The following RPS6KA3 variants were observed in gnomAD, a reference collection of about 807,000 sequenced individuals.
RPS6KA3 encodes ribosomal protein S6 kinase alpha-3.
A neutral mutation model predicts 67.2 loss-of-function variants in RPS6KA3; 4 were observed. That is an observed-to-expected ratio of 0.06 (90% CI 0.03 to 0.14). The LOEUF is 0.14. Ranked by LOEUF, RPS6KA3 falls within the 10% of genes least tolerant of loss-of-function variation. The pLI is 1.00. For missense variants in RPS6KA3, 204 were observed against 559.0 expected, an observed-to-expected ratio of 0.36 and a Z score of 6.40; for synonymous variants, 182 against 183.7, an observed-to-expected ratio of 0.99 and a Z score of 0.07.
chrX:20,258,959 G>A (rs148975573), intron 1 of RPS6KA3, among the ~76,000 whole-genome samples: 2,170 of 111,568 alleles, frequency 0.019, 47 homozygotes, highest in African/African-American at 0.059. Flanking sequence ...CTTTCTAGCT[G>A]ACATCTTCAA....
intron 7 of RPS6KA3, among the ~76,000 whole-genome samples, chrX:20,190,883 T>TA (rs1298001505): frequency 9.1e-6 from 1 of 110,447 alleles, no homozygotes; most frequent in Admixed American, 9.7e-5. Flanking sequence ...TTTTTTTTTT[T>TA]ATTATGCTTT....
At chrX:20,231,684 T>C (rs1171850468) in intron 2 of RPS6KA3, among the ~76,000 whole-genome samples, 2 of 111,930 alleles carry the variant, frequency 1.8e-5, no homozygotes, top group Non-Finnish European at 3.8e-5. Flanking sequence ...ACCAGTGTCT[T>C]TGCAGATGTA....
chrX:20,225,788 T>C (rs1455838843), intron 2 of RPS6KA3, among the ~76,000 whole-genome samples: 1 of 111,675 alleles, frequency 9.0e-6, no homozygotes, highest in Non-Finnish European at 1.9e-5. Flanking sequence ...TAAGGCAACT[T>C]TGTGTGAAGT....
In RPS6KA3 at chrX:20,161,627, T is replaced by G. The variant is rs199913852; in HGVS notation, c.1959+17A>C. ...AAGTTATTTTCTCAAAATCTTATAA[T>G]AGGAAGTGATACTTACCTTTGCTGT... On this transcript the variant is annotated intron_variant, in intron 20 of 21. Coordinates refer to ENST00000379565, the MANE Select transcript of RPS6KA3 (RefSeq NM_004586.3). 1.4e-5 allele frequency: 12 copies of G among 872,822 alleles called. No homozygotes were observed. In the East Asian group the frequency reaches 3.4e-4, roughly 25 times the overall value. 71.9% of individuals were successfully genotyped at this position (872,822 alleles called of 1,213,427 possible).
intron 10 of RPS6KA3, among the ~76,000 whole-genome samples, chrX:20,178,636 C>CTTTTTT (rs757383642): frequency 1.4e-3 from 56 of 39,450 alleles, no homozygotes; most frequent in Non-Finnish European, 1.8e-3. Flanking sequence ...CCACACCTGG[C>CTTTTTT]TTTTTTTTTT....
At chrX:20,156,638 T>C (rs781539532) in intron 20 of RPS6KA3, among the ~76,000 whole-genome samples, 7 of 110,785 alleles carry the variant, frequency 6.3e-5, no homozygotes, top group Non-Finnish European at 1.3e-4. Context: ...TGGCCTCAAG[T>C]GATCCTCCCA....
intron 1 of RPS6KA3, among the ~76,000 whole-genome samples, chrX:20,255,007 C>T (rs377725295): frequency 1.8e-5 from 2 of 112,271 alleles, no homozygotes; most frequent in African/African-American, 3.2e-5. Flanking sequence ...AAACTGGAAA[C>T]ATGTGTTCAC....
At chrX:20,225,645 T>C (rs1271789591) in intron 2 of RPS6KA3, among the ~76,000 whole-genome samples, 2 of 111,469 alleles carry the variant, frequency 1.8e-5, no homozygotes, top group Non-Finnish European at 3.8e-5. Flanking sequence ...AGTAATTCAC[T>C]GCCTATTGTC....
intron 9 of RPS6KA3, 34 bp downstream of exon 9, chrX:20,187,794 T>C (rs1482912174): frequency 6.1e-6 from 7 of 1,147,930 alleles, no homozygotes; most frequent in African/African-American, 3.6e-5. Context: ...AACAATCTCC[T>C]TCCCCTCTAA....
At chrX:20,225,905 G>A (rs984087549) in intron 2 of RPS6KA3, among the ~76,000 whole-genome samples, 2 of 112,242 alleles carry the variant, frequency 1.8e-5, no homozygotes, top group African/African-American at 6.5e-5. Context: ...AAGAAGTGGG[G>A]CCGAGTATGG....
chrX:20,153,852 C>G lies in RPS6KA3; in HGVS notation c.*1546G>C, dbSNP rs1256716680. The G allele has an allele frequency of 8.9e-6, 1 of 111,992 alleles. No individual in the cohort carries two copies. Among genetic ancestry groups the G allele is most frequent in the African/African-American group, 3.2e-5 (1 of 30,809 alleles). 9.2% of individuals were successfully genotyped at this position (111,992 alleles called of 1,213,427 possible). On this transcript the variant is annotated 3_prime_UTR_variant, in exon 22 of 22. Coordinates refer to ENST00000379565, the MANE Select transcript of RPS6KA3 (RefSeq NM_004586.3). ...GCCAGGCTGGTCTCAAACTCCTGAC[C>G]TCAGGTGATCCACCTGCCTCGGCCT...
At chrX:20,230,433 A>G (rs1241398332) in intron 2 of RPS6KA3, among the ~76,000 whole-genome samples, 1 of 112,155 alleles carries the variant, frequency 8.9e-6, no homozygotes, top group Admixed American at 9.5e-5. Context: ...AATGACATCT[A>G]AACAGATCTG....
At chrX:20,240,435 T>A in intron 1 of RPS6KA3, 1 of 132,819 alleles carries the variant, frequency 7.5e-6, no homozygotes, top group Non-Finnish European at 1.4e-5. Context: ...CATGAGGCAT[T>A]AGAAACCTCT....
intron 10 of RPS6KA3, 43 bp downstream of exon 10, chrX:20,186,253 T>C: frequency 1.1e-6 from 1 of 928,650 alleles, no homozygotes; most frequent in Non-Finnish European, 1.6e-6. Context: ...GAAGCATTTA[T>C]TTTAAAATCT....
intron 2 of RPS6KA3, among the ~76,000 whole-genome samples, chrX:20,216,744 G>C (rs1322633498): frequency 9.0e-6 from 1 of 110,885 alleles, no homozygotes; most frequent in East Asian, 2.8e-4. Context: ...GAGCACACCT[G>C]GACACTAGAG....
intron 15 of RPS6KA3, among the ~76,000 whole-genome samples, chrX:20,170,325 C>A (rs2067541988): frequency 9.0e-6 from 1 of 111,454 alleles, no homozygotes; most frequent in African/African-American, 3.3e-5. Context: ...ACTAAATACC[C>A]AGACACTCCA....
At chrX:20,243,170 T>C (rs1346334879) in intron 1 of RPS6KA3, among the ~76,000 whole-genome samples, 1 of 111,861 alleles carries the variant, frequency 8.9e-6, no homozygotes, top group African/African-American at 3.3e-5. Flanking sequence ...ATAATCAATA[T>C]TGAGTACACA....
At chrX:20,190,252 C>T (rs2068088833) in intron 7 of RPS6KA3, among the ~76,000 whole-genome samples, 1 of 111,531 alleles carries the variant, frequency 9.0e-6, no homozygotes, top group Non-Finnish European at 1.9e-5. Context: ...AATTTTTAGT[C>T]ATATTTATTA....
At chrX:20,239,641 G>C (rs1343543109) in intron 1 of RPS6KA3, among the ~76,000 whole-genome samples, 1 of 111,611 alleles carries the variant, frequency 9.0e-6, no homozygotes, top group Non-Finnish European at 1.9e-5. Context: ...CCTGAAATGT[G>C]TATAAAGTCA....
Sources: allele counts gnomAD v4.1 joint callset (sites outside exome capture counted in the v4.1 genomes callset), GRCh38; gene constraint gnomAD v4.1.1; transcripts MANE v1.5; gene names NCBI Gene and HGNC (gene_info 2026-07-23, HGNC 2026-07-21).